The following TBCD variants were observed in gnomAD, a reference collection of about 807,000 sequenced individuals.
TBCD encodes tubulin folding cofactor D.
Under a neutral mutation model 169.3 loss-of-function variants are expected in TBCD, and 105 were observed. The observed-to-expected ratio is 0.62, with a 90% CI of 0.53 to 0.73. The LOEUF (loss-of-function observed/expected upper bound fraction) is 0.73. Among genes scored for constraint, TBCD ranks in the 30% least tolerant of loss-of-function variants. The pLI, the probability that TBCD is intolerant of heterozygous loss-of-function variation, is 0.00. For missense variants in TBCD, 1,444 were observed against 1,600.1 expected (o/e 0.90, Z 1.66); for synonymous variants, 700 against 643.9 (o/e 1.09, Z -1.32).
rs149048330 is a variant in TBCD at position 82,761,976 on chromosome 17, C to T, written c.236-1989C>T. On this transcript the variant is annotated intron_variant, in intron 2 of 38. Transcript: ENST00000355528. ...TCTCCTGACCTCGTGATCCGCCCGC[C>T]TCAGCCTTCCAAAGTGCTGGGGTTG... Among the ~76,000 whole-genome samples, 12 of 151,766 alleles carry T rather than the reference C, an allele frequency of 7.9e-5. No individual in the cohort carries two copies. The East Asian group carries it at 2.0e-3, about 25-fold the overall frequency.
Position 82,930,240 on chromosome 17 carries a change from C to T in TBCD, c.2992-282C>T. 2.2e-6 allele frequency: 1 copy of T among 460,106 alleles called. No homozygotes were observed. The highest frequency in any genetic ancestry group is 3.9e-6 in the Non-Finnish European group (1 of 256,582). The allele number at this position is 460,106 out of a possible 1,614,324, so 28.5% of individuals were successfully genotyped here. A position where few individuals can be genotyped will look rare whatever the true frequency, so the allele number is the denominator to read the frequency against. On this transcript the variant is annotated intron_variant, in intron 32 of 38. Transcript: ENST00000355528. This position sits in a 1 kb window ranked among gnomAD's most constrained non-coding sequence, Gnocchi z 5.2. ...TTCAGTGGGAAACGTGAGCGAAACC[C>T]AAGGTGAGTGGCCGCAGCCTTTCGT...
intron 7 of TBCD, among the ~76,000 whole-genome samples, chr17:82,788,345 G>A (rs1042333264): frequency 6.6e-6 from 1 of 152,056 alleles, no homozygotes; most frequent in East Asian, 1.9e-4. Context: ...GAAGATTGTC[G>A]ACTGTGTGGA....
intron 23 of TBCD, among the ~76,000 whole-genome samples, chr17:82,916,436 G>C (rs1021493091): frequency 1.3e-5 from 2 of 152,026 alleles, no homozygotes; most frequent in African/African-American, 4.8e-5. Flanking sequence ...GTGGAGATGG[G>C]GTTCCACCAT....
At chr17:82,776,107 T>C (rs1201641238) in intron 6 of TBCD, among the ~76,000 whole-genome samples, 1 of 151,874 alleles carries the variant, frequency 6.6e-6, no homozygotes, top group Non-Finnish European at 1.5e-5. Context: ...TAATTCCAGA[T>C]ACTTGGGAAG....
At position 82,880,011 on chromosome 17, in the gene TBCD, G is replaced by A. The variant is rs2058248653; in HGVS notation, c.1476-4134G>A. On this transcript the variant is annotated intron_variant, in intron 14 of 38. Transcript: ENST00000355528. The surrounding 1 kb of genome is among the most constrained non-coding windows in gnomAD (Gnocchi z 5.0). ...GCTCAAGGGAAGACTCTGCTTCCCT[G>A]CTTGAGTTGCCCGCATTCCTTTGCT... 6.6e-6 allele frequency among the ~76,000 whole-genome samples: 1 copy of A among 152,044 alleles called. No homozygotes were observed. The highest frequency in any genetic ancestry group is 2.1e-4 in the South Asian group (1 of 4,824).
intron 13 of TBCD, among the ~76,000 whole-genome samples, chr17:82,823,787 A>G (rs186617860): frequency 2.1e-4 from 32 of 152,290 alleles, no homozygotes; most frequent in Admixed American, 4.6e-4. Flanking sequence ...ATTGTGGCAA[A>G]ATATGTATAA....
rs1339716556 is a variant in TBCD at position 82,835,208 on chromosome 17, G to A, written c.1318+20274G>A. Among the ~76,000 whole-genome samples, 1 of 152,090 alleles carries A rather than the reference G, an allele frequency of 6.6e-6. No homozygotes were observed. The highest frequency in any genetic ancestry group is 1.5e-5 in the Non-Finnish European group (1 of 68,000). On this transcript the variant is annotated intron_variant, in intron 13 of 38. Transcript: ENST00000355528. The surrounding 1 kb of genome is among the most constrained non-coding windows in gnomAD (Gnocchi z 4.5). Reference sequence around the variant, plus strand: ...GTGGCTAAAAGTCAAGTGAAAAGCCGCCCCTTGAAAATAGAGCAACGTGTG... The same window carrying A: ...GTGGCTAAAAGTCAAGTGAAAAGCCACCCCTTGAAAATAGAGCAACGTGTG...
intron 13 of TBCD, among the ~76,000 whole-genome samples, chr17:82,816,517 A>T (rs1322841606): frequency 6.6e-6 from 1 of 151,204 alleles, no homozygotes; most frequent in African/African-American, 2.4e-5. Flanking sequence ...TGCTTCTCTG[A>T]TCCTCACCAA....
intron 3 of TBCD, 93 bp from the exon 4 acceptor site, chr17:82,766,174 G>C: frequency 1.0e-6 from 1 of 964,106 alleles, no homozygotes; most frequent in Non-Finnish European, 1.6e-6. Flanking sequence ...AGTGGGTCGC[G>C]TAGCTGGTGA....
Position 82,926,445 on chromosome 17 carries a change from G to GT in TBCD, c.2426dup (p.Ser810LysfsTer4). On this transcript the variant is annotated frameshift_variant, in exon 28 of 39. Coordinates refer to ENST00000355528, the MANE Select transcript of TBCD (RefSeq NM_005993.5). LOFTEE classifies it high-confidence loss of function. ...AGTTACCCACACTTCCCCCGAGGAC[G>GT]TAAGTTTTGCTGAGTCCAGGAGAGA... The GT allele has an allele frequency of 1.9e-6, 3 of 1,614,046 alleles. No individual in the cohort carries two copies. The highest frequency in any genetic ancestry group is 1.7e-6 in the Non-Finnish European group (2 of 1,179,892).
chr17:82,856,666 G>A (rs1015885174), intron 13 of TBCD, among the ~76,000 whole-genome samples: 2 of 152,198 alleles, frequency 1.3e-5, no homozygotes, highest in African/African-American at 2.4e-5. Context: ...GAACGTTTGC[G>A]TACAAGTGTC....
At chr17:82,872,669 TA>T (rs1430903408) in intron 14 of TBCD, among the ~76,000 whole-genome samples, 1 of 142,756 alleles carries the variant, frequency 7.0e-6, no homozygotes, top group African/African-American at 2.5e-5. Flanking sequence ...TTATTGTTGA[TA>T]GGAATAGTCA....
chr17:82,803,245 T>C (rs1439941901), intron 9 of TBCD, among the ~76,000 whole-genome samples: 1 of 152,220 alleles, frequency 6.6e-6, no homozygotes, highest in Non-Finnish European at 1.5e-5. Flanking sequence ...GATTGGTCTT[T>C]CCTCCACAGC....
Position 82,832,727 on chromosome 17 carries a change from G to A in TBCD, c.1318+17793G>A, listed in dbSNP as rs573518634. 181 of 524,038 alleles carry A rather than the reference G, an allele frequency of 3.5e-4. 1 individual carries two copies. The highest frequency in any genetic ancestry group is 5.1e-4 in the Admixed American group (16 of 31,402). The allele number at this position is 524,038 out of a possible 1,614,324, so 32.5% of individuals were successfully genotyped here. A position where few individuals can be genotyped will look rare whatever the true frequency, so the allele number is the denominator to read the frequency against. On this transcript the variant is annotated intron_variant, in intron 13 of 38. Coordinates refer to ENST00000355528, the MANE Select transcript of TBCD (RefSeq NM_005993.5). The surrounding 1 kb of genome is among the most constrained non-coding windows in gnomAD (Gnocchi z 4.9). The stretch of plus-strand genomic sequence containing the variant: ...CTCGCCACAGTGCCACAGGATCCCT[G>A]AAGCAGAACCCCTGAAGGGCTGAAA...
rs2050212418 is a variant in TBCD at position 82,797,889 on chromosome 17, A to C, written c.817+87A>C. The C allele has an allele frequency of 1.1e-5, 11 of 1,008,398 alleles. No individual in the cohort carries two copies. The South Asian group carries it at 1.5e-4, about 14-fold the overall frequency. The allele number at this position is 1,008,398 out of a possible 1,614,324, so 62.5% of individuals were successfully genotyped here. Reference sequence around the variant, plus strand: ...TGTCTTTCCTTAACATTTTATTCATAGATATAGGAACTGTACATTGGTATG... The same window carrying C: ...TGTCTTTCCTTAACATTTTATTCATCGATATAGGAACTGTACATTGGTATG... On this transcript the variant is annotated intron_variant, in intron 8 of 38. Coordinates refer to ENST00000355528, the MANE Select transcript of TBCD (RefSeq NM_005993.5).
At chr17:82,756,034 G>A (rs2047384175) in intron 1 of TBCD, 131 bp from the exon 2 acceptor site, 1 of 776,430 alleles carries the variant, frequency 1.3e-6, no homozygotes, top group Non-Finnish European at 2.2e-6. Flanking sequence ...TGAGAGGGGA[G>A]GTGTGCTCTT....
In TBCD at chr17:82,930,789, G is replaced by T. The variant is rs553679887; in HGVS notation, c.3113+146G>T. 2 of 1,321,422 alleles carry T rather than the reference G, an allele frequency of 1.5e-6. No homozygotes were observed. The highest frequency in any genetic ancestry group is 2.1e-6 in the Non-Finnish European group (2 of 971,630). 81.9% of individuals were successfully genotyped at this position (1,321,422 alleles called of 1,614,324 possible). On this transcript the variant is annotated intron_variant, in intron 33 of 38. Coordinates refer to ENST00000355528, the MANE Select transcript of TBCD (RefSeq NM_005993.5). This position sits in a 1 kb window ranked among gnomAD's most constrained non-coding sequence, Gnocchi z 5.2. ...ACGCTGTACCAGTTGGTGGCTCAGC[G>T]AGGAAGATGTGCCTGCAGCATATGG...
At chr17:82,776,032 C>G (rs1338147750) in intron 6 of TBCD, among the ~76,000 whole-genome samples, 1 of 152,110 alleles carries the variant, frequency 6.6e-6, no homozygotes, top group Non-Finnish European at 1.5e-5. Flanking sequence ...GCCTGGCCAA[C>G]ATGGTGAAAC....
At chr17:82,814,798 C>T (rs1390824744) in intron 12 of TBCD, 42 bp from the exon 13 acceptor site, 2 of 1,603,286 alleles carry the variant, frequency 1.2e-6, no homozygotes, top group African/African-American at 2.7e-5. Flanking sequence ...GAACCAAAAG[C>T]TGACACGTGG....
Sources: allele counts gnomAD v4.1 joint callset (sites outside exome capture counted in the v4.1 genomes callset), GRCh38; gene constraint gnomAD v4.1.1; non-coding constraint Gnocchi (gnomAD v3.1); transcripts MANE v1.5; gene names NCBI Gene and HGNC (gene_info 2026-07-23, HGNC 2026-07-21).